The following TNKS variants were observed in gnomAD, a reference collection of about 807,000 sequenced individuals.
The protein encoded by TNKS is tankyrase.
In TNKS, 72 loss-of-function variants were observed where a neutral mutation model predicts 135.8. The observed-to-expected ratio is 0.53, with a 90% CI of 0.44 to 0.64. The LOEUF (loss-of-function observed/expected upper bound fraction) is 0.64. Ranked by LOEUF, TNKS falls within the 30% of genes least tolerant of loss-of-function variation. The pLI is 0.00. For synonymous variants in TNKS, 849 were observed against 649.3 expected (o/e 1.31, Z -4.68); for missense variants, 1,769 against 1,674.0 (o/e 1.06, Z -0.99).
In TNKS at chr8:9,645,275, C is replaced by G. The variant is rs560553289; in HGVS notation, c.994+29598C>G. ...AGATCAGGGAGAAGACATGGTCTCT[C>G]CAGGATTGTGGCTACCTATGAAGAG... On this transcript the variant is annotated intron_variant, in intron 3 of 26. Transcript: ENST00000310430. Among the ~76,000 whole-genome samples the G allele has an allele frequency of 2.6e-5, 4 of 152,126 alleles. No individual in the cohort carries two copies. The South Asian group carries it at 8.3e-4, about 32-fold the overall frequency.
intron 17 of TNKS, among the ~76,000 whole-genome samples, chr8:9,746,291 A>T (rs1806621979): frequency 6.6e-6 from 1 of 152,202 alleles, no homozygotes; most frequent in African/African-American, 2.4e-5. Flanking sequence ...GTTATTTTTA[A>T]TATTCTTAAA....
In TNKS at chr8:9,632,890, C is replaced by T. The variant is rs373417797; in HGVS notation, c.994+17213C>T. 6.1e-3 allele frequency among the ~76,000 whole-genome samples: 933 copies of T among 152,180 alleles called. 7 individuals carry two copies. The highest frequency in any genetic ancestry group is 0.012 in the Admixed American group (184 of 15,286). On this transcript the variant is annotated intron_variant, in intron 3 of 26. Coordinates refer to ENST00000310430, the MANE Select transcript of TNKS (RefSeq NM_003747.3). ...GACTACAGGCGCCTGCCACCACGCC[C>T]GGCTAATTTTTTGTATTTTTAGTAG...
intron 1 of TNKS, among the ~76,000 whole-genome samples, chr8:9,571,748 G>A (rs1246569539): frequency 6.6e-6 from 1 of 152,158 alleles, no homozygotes; most frequent in Admixed American, 6.5e-5. Context: ...ACAGACGTGA[G>A]CCACCGCGCC....
At chr8:9,580,040 A>G (rs1015722573) in intron 1 of TNKS, 119 bp from the exon 2 acceptor site, 5 of 777,448 alleles carry the variant, frequency 6.4e-6, no homozygotes, top group Non-Finnish European at 1.1e-5. Flanking sequence ...GTTTTACACC[A>G]TTTACTATAG....
intron 17 of TNKS, among the ~76,000 whole-genome samples, chr8:9,747,565 C>G (rs1806304223): frequency 6.6e-6 from 1 of 152,070 alleles, no homozygotes; most frequent in African/African-American, 2.4e-5. Context: ...ATGAGTATTT[C>G]AGTAAATCTG....
intron 14 of TNKS, among the ~76,000 whole-genome samples, chr8:9,731,596 CTT>C (rs1435095232): frequency 6.6e-6 from 1 of 151,520 alleles, no homozygotes; most frequent in African/African-American, 2.4e-5. Flanking sequence ...AATGCATAGA[CTT>C]GTGTGTGTGC....
chr8:9,777,756 A>G lies in TNKS; in HGVS notation c.*1020A>G, dbSNP rs1386146960. The G allele has an allele frequency of 6.6e-6, 1 of 152,182 alleles. No individual in the cohort carries two copies. The highest frequency in any genetic ancestry group is 1.5e-5 in the Non-Finnish European group (1 of 68,032). 9.4% of individuals were successfully genotyped at this position (152,182 alleles called of 1,614,324 possible). A position where few individuals can be genotyped will look rare whatever the true frequency, so the allele number is the denominator to read the frequency against. On this transcript the variant is annotated 3_prime_UTR_variant, in exon 27 of 27. Transcript: ENST00000310430. ...ACTGTTGGGATTGTTACCCCTCCAA[A>G]TTAGCTGCCTTATTTCAAAAGTCAG...
chr8:9,622,922 G>T (rs1799919324), intron 3 of TNKS, among the ~76,000 whole-genome samples: 1 of 152,162 alleles, frequency 6.6e-6, no homozygotes, highest in East Asian at 1.9e-4. Flanking sequence ...ACAGACTATG[G>T]TTTTTCCTAT....
At chr8:9,558,757 G>A (rs190776753) in intron 1 of TNKS, 2 of 152,148 alleles carry the variant, frequency 1.3e-5, no homozygotes, top group Non-Finnish European at 2.9e-5. Flanking sequence ...AGCTAACCTT[G>A]AATTGGCTTT....
intron 5 of TNKS, among the ~76,000 whole-genome samples, chr8:9,704,429 A>C (rs139641249): frequency 1.1e-3 from 168 of 152,274 alleles, no homozygotes; most frequent in African/African-American, 3.9e-3. Context: ...GTAAGGTTTG[A>C]TTACTGATGG....
At chr8:9,751,343 G>C (rs1806518899) in intron 18 of TNKS, among the ~76,000 whole-genome samples, 1 of 152,138 alleles carries the variant, frequency 6.6e-6, no homozygotes. Flanking sequence ...TTTTTCTAAA[G>C]AAGGGTGACA....
Position 9,615,570 on chromosome 8 carries a change from TTC to T in TNKS, c.899-11_899-10del, listed in dbSNP as rs1170598927. ...CCCGAGGTAAGATACTGTTTCTGCT[TTC>T]CCTGCACAGTGCTGCTGCAGCACGG... On this transcript the variant is annotated splice_polypyrimidine_tract_variant and intron_variant, in intron 2 of 26. Transcript: ENST00000310430. 6.2e-7 allele frequency: 1 copy of T among 1,609,156 alleles called. No homozygotes were observed. Among genetic ancestry groups the T allele is most frequent in the South Asian group, 1.1e-5 (1 of 90,126 alleles).
chr8:9,751,770 T>G lies in TNKS; in HGVS notation c.2994T>G (p.Pro998=). The G allele has an allele frequency of 6.2e-7, 1 of 1,614,164 alleles. No homozygotes were observed. Among genetic ancestry groups the G allele is most frequent in the Non-Finnish European group, 8.5e-7 (1 of 1,180,036 alleles). The stretch of plus-strand genomic sequence containing the variant: ...GCAGCATAGACAACCTCACTGGCCC[T>G]TTAGCAGAGTTGGCCGTAGGAGGAG... The part of the protein sequence containing the change: ...AASSIDNLTG[P]LAELAVGGAS... Residue 998 remains proline, a synonymous_variant, in exon 19 of 27, where the codon CCT becomes CCG. Coordinates refer to ENST00000310430, the MANE Select transcript of TNKS (RefSeq NM_003747.3).
intron 7 of TNKS, among the ~76,000 whole-genome samples, chr8:9,706,477 C>G (rs1162007640): frequency 1.3e-5 from 2 of 152,232 alleles, no homozygotes; most frequent in Admixed American, 6.5e-5. Context: ...GATCCTCCCC[C>G]TCAGCCTCCC....
At chr8:9,629,810 G>C (rs1800215380) in intron 3 of TNKS, among the ~76,000 whole-genome samples, 1 of 152,156 alleles carries the variant, frequency 6.6e-6, no homozygotes, top group African/African-American at 2.4e-5. Flanking sequence ...AGCCTCCTGA[G>C]TAGCTGGGAC....
chr8:9,753,531 C>G lies in TNKS; in HGVS notation c.3153+905C>G, dbSNP rs141577763. ...AATTAGGATTCTTCTGTTTGTTTTA[C>G]TGTTTTCATACAGGATAAGGAGTTG... On this transcript the variant is annotated intron_variant, in intron 20 of 26. Coordinates refer to ENST00000310430, the MANE Select transcript of TNKS (RefSeq NM_003747.3). 5.9e-3 allele frequency among the ~76,000 whole-genome samples: 902 copies of G among 152,284 alleles called. 6 individuals are homozygous for G. Among genetic ancestry groups the G allele is most frequent in the African/African-American group, 0.019 (787 of 41,562 alleles).
intron 3 of TNKS, chr8:9,670,303 G>A (rs1234479108): frequency 6.6e-6 from 1 of 152,108 alleles, no homozygotes; most frequent in Non-Finnish European, 1.5e-5. Flanking sequence ...TAAGTCAGGA[G>A]AACATTTTTA....
rs140989494 is a variant in TNKS, at chr8:9,568,781, T to C, written c.674-11378T>C. Among the ~76,000 whole-genome samples the C allele has an allele frequency of 1.8e-3, 273 of 150,902 alleles. 3 individuals are homozygous for C. The highest frequency in any genetic ancestry group is 6.2e-3 in the African/African-American group (254 of 41,154). On this transcript the variant is annotated intron_variant, in intron 1 of 26. Transcript: ENST00000310430. ...AGGAAGAAATATTTTAATAGCATTG[T>C]CAGATAATTTTGCCTTTTTTCTCTT...
intron 18 of TNKS, among the ~76,000 whole-genome samples, chr8:9,750,616 C>G (rs748506335): frequency 6.6e-5 from 10 of 152,352 alleles, no homozygotes; most frequent in African/African-American, 2.4e-4. Flanking sequence ...TCAGCAATAA[C>G]CAGGCCACCC....
Sources: gnomAD v4.1 joint callset for allele counts (sites outside exome capture counted in the v4.1 genomes callset) on GRCh38, gnomAD v4.1.1 for gene constraint, MANE v1.5 for transcripts, NCBI Gene and HGNC (gene_info 2026-07-23, HGNC 2026-07-21) for gene names.